Variants in TENM1 observed in about 807,000 individuals in gnomAD.
The protein encoded by TENM1 is teneurin transmembrane protein 1.
A neutral mutation model predicts 174.8 loss-of-function variants in TENM1; 35 were observed. The observed-to-expected ratio is 0.20, with a 90% CI of 0.15 to 0.27. The LOEUF (loss-of-function observed/expected upper bound fraction) is 0.27, where lower values mean the gene tolerates loss of function less well. TENM1 is among the 10% of genes least tolerant of loss of function. The probability of loss-of-function intolerance (pLI) is 1.00; values close to 1 mark genes in which losing one functional copy is unlikely to be tolerated. For missense variants in TENM1, 1,633 were observed against 2,130.1 expected, an observed-to-expected ratio of 0.77 and a Z score of 4.59; for synonymous variants, 781 against 798.7, an observed-to-expected ratio of 0.98 and a Z score of 0.37.
chrX:124,389,136 C>T (rs2060255532), intron 28 of TENM1, among the ~76,000 whole-genome samples: 1 of 111,097 alleles, frequency 9.0e-6, no homozygotes, highest in African/African-American at 3.3e-5. Context: ...ACAGCCATTA[C>T]CCAAATAATT....
intron 3 of TENM1, among the ~76,000 whole-genome samples, chrX:124,771,104 G>T (rs1470218955): frequency 1.8e-5 from 2 of 112,094 alleles, no homozygotes; most frequent in East Asian, 5.6e-4. Context: ...TAAAAATAAA[G>T]TTCTAGTTCT....
At chrX:125,178,115 C>T in the TENM1 span, among the ~76,000 whole-genome samples, 1 of 111,080 alleles carries the variant, frequency 9.0e-6, no homozygotes, top group Non-Finnish European at 1.9e-5. Flanking sequence ...GAGCAGCCTT[C>T]AAAGGAGAAT....
In TENM1 at chrX:124,493,177, C is replaced by T. The variant is rs191363465; in HGVS notation, c.3695+3839G>A. On this transcript the variant is annotated intron_variant, in intron 20 of 31. Coordinates refer to ENST00000422452, the Ensembl canonical transcript of TENM1. ...TGTCAAAAACTAATTTTTCTTTATA[C>T]TGTGAAAATCAGTTTGCAATTAGAG... is the stretch of plus-strand genomic sequence containing the variant. Among the ~76,000 whole-genome samples, 111 of 111,433 alleles carry T rather than the reference C, an allele frequency of 1.0e-3. 1 individual carries two copies. Among genetic ancestry groups the T allele is most frequent in the Non-Finnish European group, 1.2e-3 (62 of 52,964 alleles).
intron 3 of TENM1, among the ~76,000 whole-genome samples, chrX:124,875,451 AAAT>A (rs1416454431): frequency 9.1e-6 from 1 of 110,417 alleles, no homozygotes; most frequent in African/African-American, 3.3e-5. Context: ...TATAACCTAA[AAAT>A]AATAAAATTA....
At chrX:125,133,766 T>TAATC in the TENM1 span, among the ~76,000 whole-genome samples, 1 of 111,690 alleles carries the variant, frequency 9.0e-6, no homozygotes, top group Admixed American at 9.6e-5. Flanking sequence ...ACTAAGAGAA[T>TAATC]AATCGCCTTT....
chrX:125,155,918 G>A, the TENM1 span, among the ~76,000 whole-genome samples: 356 of 112,872 alleles, frequency 3.2e-3, 1 homozygote, highest in African/African-American at 0.011. Flanking sequence ...ACAGTGCAGC[G>A]GCGGGCTGAA....
At chrX:124,660,049 C>A (rs2051553762) in intron 6 of TENM1, among the ~76,000 whole-genome samples, 1 of 111,620 alleles carries the variant, frequency 9.0e-6, no homozygotes, top group African/African-American at 3.3e-5. Context: ...AGGCATAAAT[C>A]TTTGTCACCT....
chrX:124,920,973 G>C (rs1490589179), intron 1 of TENM1, among the ~76,000 whole-genome samples: 2 of 101,332 alleles, frequency 2.0e-5, no homozygotes, highest in African/African-American at 7.2e-5. Context: ...CACTTAGGAA[G>C]TCCCTTTATA....
intron 3 of TENM1, among the ~76,000 whole-genome samples, chrX:124,843,297 C>T (rs1455279467): frequency 1.8e-5 from 2 of 111,689 alleles, no homozygotes; most frequent in African/African-American, 6.5e-5. Flanking sequence ...TCCACTTTTT[C>T]AAACCCATGT....
intron 6 of TENM1, among the ~76,000 whole-genome samples, chrX:124,663,751 G>GT (rs60541515): frequency 0.036 from 3,374 of 93,802 alleles, 60 homozygotes; most frequent in African/African-American, 0.065. Context: ...GTGTGTATTA[G>GT]TTTTTTTTTT....
chrX:125,065,939 T>C, the TENM1 span, among the ~76,000 whole-genome samples: 56 of 111,952 alleles, frequency 5.0e-4, no homozygotes, highest in African/African-American at 1.7e-3. Context: ...AAAGTGTACC[T>C]GGAGTCTGTG....
the TENM1 span, among the ~76,000 whole-genome samples, chrX:125,083,754 T>A: frequency 9.0e-6 from 1 of 111,379 alleles, no homozygotes; most frequent in South Asian, 3.7e-4. Flanking sequence ...ATCCACATAT[T>A]GAAAATAAAT....
At chrX:124,755,630 T>C (rs2054212960) in intron 3 of TENM1, among the ~76,000 whole-genome samples, 1 of 111,778 alleles carries the variant, frequency 8.9e-6, no homozygotes, top group Non-Finnish European at 1.9e-5. Flanking sequence ...CTGGTACTGG[T>C]TGTTCCTTTC....
chrX:125,013,926 AT>A, the TENM1 span, among the ~76,000 whole-genome samples: 2 of 111,818 alleles, frequency 1.8e-5, no homozygotes, highest in Non-Finnish European at 3.8e-5. Context: ...CTAAACCGTT[AT>A]TTGGATAAAA....
chrX:124,390,224 G>C (rs982961898), intron 28 of TENM1, among the ~76,000 whole-genome samples: 19 of 112,598 alleles, frequency 1.7e-4, no homozygotes, highest in African/African-American at 5.5e-4. Flanking sequence ...ATTCGGAAAA[G>C]AGAAACAATA....
chrX:124,588,354 T>C (rs1306046055), intron 11 of TENM1, among the ~76,000 whole-genome samples: 2 of 111,817 alleles, frequency 1.8e-5, no homozygotes, highest in African/African-American at 3.3e-5. Flanking sequence ...TGGAATACTA[T>C]GCAGCCATAA....
chrX:125,063,251 T>C, the TENM1 span, among the ~76,000 whole-genome samples: 1 of 111,781 alleles, frequency 8.9e-6, no homozygotes, highest in Non-Finnish European at 1.9e-5. Context: ...GGAAGAAGCA[T>C]ATTATGAAGA....
At chrX:125,035,064 A>T in the TENM1 span, among the ~76,000 whole-genome samples, 4 of 112,018 alleles carry the variant, frequency 3.6e-5, no homozygotes, top group Admixed American at 3.8e-4. Flanking sequence ...ATGCTTATAC[A>T]TACTGCTATT....
rs1219826324 is a variant in TENM1 at position 124,634,500 on chromosome X, G to C, written c.2077+7291C>G. ...ATATGTGAGTGGGCTTTTCCCTTCA[G>C]TGGCATGATGAATAGCTGCGTAGTT... On this transcript the variant is annotated intron_variant, in intron 11 of 31. Coordinates refer to ENST00000422452, the Ensembl canonical transcript of TENM1. Among the ~76,000 whole-genome samples, 4 of 111,124 alleles carry C rather than the reference G, an allele frequency of 3.6e-5. No individual in the cohort carries two copies. In the East Asian group the frequency reaches 1.1e-3, roughly 31 times the overall value.
Sources: gnomAD v4.1 joint callset for allele counts (sites outside exome capture counted in the v4.1 genomes callset) on GRCh38, gnomAD v4.1.1 for gene constraint, MANE v1.5 for transcripts, NCBI Gene and HGNC (gene_info 2026-07-23, HGNC 2026-07-21) for gene names.